Variants in MCPH1 observed in about 807,000 individuals in gnomAD.
The protein encoded by MCPH1 is microcephalin 1.
Under a neutral mutation model 84.5 loss-of-function variants are expected in MCPH1, and 104 were observed. The ratio of observed to expected loss-of-function variants is 1.23; its 90% CI spans 1.05 to 1.45. The LOEUF is 1.45. Ranked by LOEUF, MCPH1 falls within the 40% of genes most tolerant of loss-of-function variation. MCPH1 has a pLI of 0.00. For missense variants in MCPH1, 1,498 were observed against 1,005.7 expected, an observed-to-expected ratio of 1.49 and a Z score of -6.62; for synonymous variants, 514 against 366.8, an observed-to-expected ratio of 1.40 and a Z score of -4.58.
intron 12 of MCPH1, among the ~76,000 whole-genome samples, chr8:6,511,803 G>A (rs1815166601): frequency 2.6e-5 from 4 of 151,830 alleles, no homozygotes; most frequent in Admixed American, 2.0e-4. Flanking sequence ...AACCATCTCA[G>A]TTTAAAATAT....
intron 1 of MCPH1, among the ~76,000 whole-genome samples, chr8:6,408,950 A>G (rs908588671): frequency 1.3e-5 from 2 of 151,220 alleles, no homozygotes; most frequent in Non-Finnish European, 2.9e-5. Flanking sequence ...CAATGGCGCA[A>G]TCTCGGCTCA....
At chr8:6,488,740 C>T (rs570667936) in intron 11 of MCPH1, among the ~76,000 whole-genome samples, 73 of 151,984 alleles carry the variant, frequency 4.8e-4, no homozygotes, top group African/African-American at 1.7e-3. Context: ...ATGCAGAAGC[C>T]ATCGGACTAT....
At chr8:6,511,558 A>G (rs1046718983) in intron 12 of MCPH1, among the ~76,000 whole-genome samples, 3 of 152,218 alleles carry the variant, frequency 2.0e-5, no homozygotes, top group Non-Finnish European at 4.4e-5. Flanking sequence ...CTGGGAAAAA[A>G]AAATCCCTTA....
At chr8:6,436,410 C>T (rs766109336) in intron 5 of MCPH1, among the ~76,000 whole-genome samples, 1 of 152,070 alleles carries the variant, frequency 6.6e-6, no homozygotes, top group Non-Finnish European at 1.5e-5. Context: ...TTTTTATTTT[C>T]GGGAATGATT....
chr8:6,457,903 G>T (rs563894315), intron 9 of MCPH1, among the ~76,000 whole-genome samples: 2 of 152,078 alleles, frequency 1.3e-5, no homozygotes, highest in African/African-American at 4.8e-5. Flanking sequence ...ACTGGGCTGC[G>T]CATTGGACTC....
chr8:6,495,757 TC>T (rs1811155523), intron 11 of MCPH1, among the ~76,000 whole-genome samples: 1 of 152,204 alleles, frequency 6.6e-6, no homozygotes, highest in Non-Finnish European at 1.5e-5. Context: ...CCAATCACTT[TC>T]AGTGATTAAA....
intron 12 of MCPH1, among the ~76,000 whole-genome samples, chr8:6,609,228 C>T (rs1241952219): frequency 1.3e-5 from 2 of 152,188 alleles, no homozygotes; most frequent in African/African-American, 2.4e-5. Context: ...CAAGGCATCT[C>T]GGCAGCATGC....
chr8:6,471,332 A>C (rs56073811), intron 9 of MCPH1, among the ~76,000 whole-genome samples: 23,379 of 152,124 alleles, frequency 0.15, 1,891 homozygotes, highest in Middle Eastern at 0.25. Context: ...GTTTTTAGTT[A>C]TGTCCTGGTA....
chr8:6,437,324 G>A (rs1198047044), intron 5 of MCPH1, among the ~76,000 whole-genome samples: 3 of 151,958 alleles, frequency 2.0e-5, no homozygotes, highest in Admixed American at 6.6e-5. Context: ...TCCACCTCCC[G>A]GGTTCAAGCA....
intron 9 of MCPH1, among the ~76,000 whole-genome samples, chr8:6,474,774 A>T (rs1808218846): frequency 6.6e-6 from 1 of 152,146 alleles, no homozygotes; most frequent in African/African-American, 2.4e-5. Flanking sequence ...CCAAGATGGG[A>T]GGATTGCCGA....
At chr8:6,479,928 C>CT (rs1290854888) in intron 10 of MCPH1, among the ~76,000 whole-genome samples, 3 of 152,002 alleles carry the variant, frequency 2.0e-5, no homozygotes, top group South Asian at 4.1e-4. Context: ...TAAAAAGGGT[C>CT]TTTTTTCCCC....
rs758025831 is a variant in MCPH1, at chr8:6,519,903, G to C, written c.2214+19974G>C. On this transcript the variant is annotated intron_variant, in intron 12 of 13. Transcript: ENST00000344683. The stretch of plus-strand genomic sequence containing the variant: ...TAGAATTAGGGAATGTTAACGTGTA[G>C]ATGCCATTCGTGGTGTGTCCTGATT... The C allele has an allele frequency of 6.2e-6, 10 of 1,613,988 alleles. No homozygotes were observed. The Admixed American group carries it at 1.7e-4, about 27-fold the overall frequency.
At chr8:6,509,550 T>G (rs1800723272) in intron 12 of MCPH1, among the ~76,000 whole-genome samples, 1 of 152,092 alleles carries the variant, frequency 6.6e-6, no homozygotes, top group Admixed American at 6.5e-5. Context: ...GTGCTGAAAA[T>G]AAATCCTTGT....
intron 12 of MCPH1, among the ~76,000 whole-genome samples, chr8:6,602,207 G>T (rs894556063): frequency 2.0e-5 from 3 of 152,246 alleles, no homozygotes; most frequent in African/African-American, 7.2e-5. Flanking sequence ...CGCTAGCGAG[G>T]AGGGAGGCAA....
rs190026099 is a variant in MCPH1, at chr8:6,444,822, C to A, written c.1100C>A (p.Pro367Gln). ...KRVSHGSHSP[P>Q]KEKCKRKRST... ...GTATCACATGGCTCCCATTCACCTC[C>A]GAAGGAAAAATGCAAGAGAAAGAGG... The change falls in exon 8 of 14, where the codon CCG becomes CAG. Residue 367 changes from proline (P) to glutamine (Q), a missense_variant. By Grantham distance (76) the Pro-to-Gln change is moderately conservative (BLOSUM62 -1). Coordinates refer to ENST00000344683, the MANE Select transcript of MCPH1 (RefSeq NM_024596.5). 18 of 1,613,944 alleles carry A rather than the reference C, an allele frequency of 1.1e-5. No individual in the cohort carries two copies. Among genetic ancestry groups the A allele is most frequent in the Non-Finnish European group, 1.2e-5 (14 of 1,180,020 alleles).
At chr8:6,628,532 G>A (rs1796926289) in intron 13 of MCPH1, among the ~76,000 whole-genome samples, 1 of 148,856 alleles carries the variant, frequency 6.7e-6, no homozygotes, top group East Asian at 2.0e-4. Flanking sequence ...GAATACAGGA[G>A]TCAGCTGTCT....
chr8:6,601,234 T>C (rs1829335997), intron 12 of MCPH1, among the ~76,000 whole-genome samples: 1 of 152,204 alleles, frequency 6.6e-6, no homozygotes, highest in African/African-American at 2.4e-5. Context: ...TCAGCTGTCT[T>C]TGCAGGTGCA....
intron 12 of MCPH1, among the ~76,000 whole-genome samples, chr8:6,553,864 A>G (rs1824120472): frequency 6.6e-6 from 1 of 152,132 alleles, no homozygotes; most frequent in South Asian, 2.1e-4. Context: ...GTGGATTTAC[A>G]TGTAAGACAA....
At chr8:6,597,037 C>A (rs1053127835) in intron 12 of MCPH1, among the ~76,000 whole-genome samples, 1 of 152,172 alleles carries the variant, frequency 6.6e-6, no homozygotes, top group Non-Finnish European at 1.5e-5. Flanking sequence ...TGCAATGGGG[C>A]CAGGTGGGCA....
Sources: gnomAD v4.1 joint callset for allele counts (sites outside exome capture counted in the v4.1 genomes callset) on GRCh38, gnomAD v4.1.1 for gene constraint, MANE v1.5 for transcripts, NCBI Gene and HGNC (gene_info 2026-07-23, HGNC 2026-07-21) for gene names.